The following TOPBP1 variants were observed in gnomAD, a reference collection of about 807,000 sequenced individuals.
TOPBP1 encodes DNA topoisomerase 2-binding protein 1.
TOPBP1 carries 28 observed loss-of-function variants against 167.7 expected under a neutral mutation model. That is an observed-to-expected ratio of 0.17 (90% CI 0.12 to 0.23). TOPBP1 has a LOEUF of 0.23. Among genes scored for constraint, TOPBP1 ranks in the 10% least tolerant of loss-of-function variants. The pLI, the probability that TOPBP1 is intolerant of heterozygous loss-of-function variation, is 1.00. For missense variants in TOPBP1, 1,554 were observed against 1,809.6 expected (o/e 0.86, Z 2.56); for synonymous variants, 598 against 611.4 (o/e 0.98, Z 0.32).
At chr3:133,608,437 T>C (rs1576677121) in intron 27 of TOPBP1, 98 bp downstream of exon 27, 1 of 1,340,096 alleles carries the variant, frequency 7.5e-7, no homozygotes, top group Admixed American at 2.2e-5. Flanking sequence ...ACTAATCTTC[T>C]ACTAATCATG....
In TOPBP1 at chr3:133,628,544, A is replaced by G. The variant is rs114654375; in HGVS notation, c.2694+16T>C. On this transcript the variant is annotated intron_variant, in intron 15 of 27. Coordinates refer to ENST00000260810, the MANE Select transcript of TOPBP1 (RefSeq NM_007027.4). ...TGTTATCTAAAACTTCCTTTTAATA[A>G]GAGAACTAATCCTACCTTCTCTGAC... The G allele has an allele frequency of 0.019, 30,765 of 1,608,798 alleles. 409 individuals carry two copies. Among genetic ancestry groups the G allele is most frequent in the Non-Finnish European group, 0.021 (24,367 of 1,177,406 alleles).
intron 13 of TOPBP1, among the ~76,000 whole-genome samples, chr3:133,639,709 G>A (rs575703428): frequency 1.6e-4 from 25 of 152,286 alleles, no homozygotes; most frequent in African/African-American, 5.5e-4. Flanking sequence ...CAGGAAACAT[G>A]CAGAAGCCCA....
In TOPBP1 at chr3:133,627,209, G is replaced by A. The variant is rs145721187; in HGVS notation, c.2804+1153C>T. Among the ~76,000 whole-genome samples, 1,270 of 152,198 alleles carry A rather than the reference G, an allele frequency of 8.3e-3. 11 individuals carry two copies. Among genetic ancestry groups the A allele is most frequent in the African/African-American group, 0.029 (1,219 of 41,516 alleles). On this transcript the variant is annotated intron_variant, in intron 16 of 27. Coordinates refer to ENST00000260810, the MANE Select transcript of TOPBP1 (RefSeq NM_007027.4). ...AGTAATAAATTCTATTTTTTATACT[G>A]AGAGGACTGGCATTTAAAATCATAT...
intron 14 of TOPBP1, among the ~76,000 whole-genome samples, chr3:133,635,146 G>A (rs1935622111): frequency 6.6e-6 from 1 of 152,126 alleles, no homozygotes; most frequent in Non-Finnish European, 1.5e-5. Flanking sequence ...TGTAGATGTG[G>A]GGTCTCACCA....
intron 23 of TOPBP1, among the ~76,000 whole-genome samples, chr3:133,616,108 ATTCT>A (rs1303729826): frequency 6.7e-6 from 1 of 148,208 alleles, no homozygotes; most frequent in Non-Finnish European, 1.5e-5. Flanking sequence ...TCCACACTGA[ATTCT>A]TTCTTTTCCC....
intron 25 of TOPBP1, among the ~76,000 whole-genome samples, chr3:133,609,559 A>C (rs536537857): frequency 6.6e-6 from 1 of 152,118 alleles, no homozygotes; most frequent in Non-Finnish European, 1.5e-5. Context: ...GTGTTGGGGG[A>C]GGGACCTCGT....
chr3:133,643,656 A>G (rs1935973909), intron 11 of TOPBP1, among the ~76,000 whole-genome samples: 1 of 152,064 alleles, frequency 6.6e-6, no homozygotes. Flanking sequence ...CTTCTAATGT[A>G]TTAGTTTATA....
chr3:133,631,347 C>G (rs1346386587), intron 14 of TOPBP1, among the ~76,000 whole-genome samples: 2 of 152,174 alleles, frequency 1.3e-5, no homozygotes, highest in South Asian at 4.1e-4. Flanking sequence ...ATCTTATACA[C>G]TAACTTGATT....
chr3:133,638,024 A>T lies in TOPBP1; in HGVS notation c.2372T>A (p.Phe791Tyr). The T allele has an allele frequency of 1.2e-6, 2 of 1,614,026 alleles. No individual in the cohort carries two copies. The highest frequency in any genetic ancestry group is 8.5e-7 in the Non-Finnish European group (1 of 1,179,890). Residue 791 changes from phenylalanine to tyrosine, a missense_variant, in exon 14 of 28, where the codon TTC becomes TAC. Physicochemically the swap from Phe to Tyr is conservative, Grantham distance 22 (BLOSUM62 3). Around this residue, in one of 3 missense-constraint regions of TOPBP1, gnomAD observed 1,197 missense variants for 1,351.5 expected, o/e 0.89. Transcript: ENST00000260810. ...LDMNRFQSKAFRAVVSQHARQ... is the reference protein window; with the variant it reads ...LDMNRFQSKAYRAVVSQHARQ... ...GGCATGTTGTGAGACCACAGCACGG[A>T]AAGCTTTACTCTGAAAGCGGTTCAT...
At chr3:133,648,950 A>T (rs1378897114) in intron 10 of TOPBP1, among the ~76,000 whole-genome samples, 1 of 152,128 alleles carries the variant, frequency 6.6e-6, no homozygotes, top group East Asian at 1.9e-4. Context: ...CTTTTTTTTA[A>T]TAAAAAAGAA....
At chr3:133,608,440 TA>T in intron 27 of TOPBP1, 94 bp downstream of exon 27, 1 of 1,370,602 alleles carries the variant, frequency 7.3e-7, no homozygotes, top group Non-Finnish European at 1.0e-6. Context: ...AATCTTCTAC[TA>T]ATCATGAGCT....
rs530755343 is a variant in TOPBP1 at position 133,656,382 on chromosome 3, G to A, written c.545+294C>T. 7.9e-5 allele frequency among the ~76,000 whole-genome samples: 12 copies of A among 152,194 alleles called. 1 individual carries two copies. Among genetic ancestry groups the A allele is most frequent in the Admixed American group, 3.9e-4 (6 of 15,286 alleles). On this transcript the variant is annotated intron_variant, in intron 5 of 27. Transcript: ENST00000260810. ...AGGATAATGCAACATAAAAGCTACA[G>A]AATTGCCAAACTCGTTTTCTCAATT...
chr3:133,624,928 CTAT>C (rs1460409890), intron 16 of TOPBP1, among the ~76,000 whole-genome samples: 1 of 152,174 alleles, frequency 6.6e-6, no homozygotes, highest in East Asian at 1.9e-4. Flanking sequence ...ATGCTCTTAA[CTAT>C]TATATTATGC....
chr3:133,627,284 A>C (rs939661846), intron 16 of TOPBP1, among the ~76,000 whole-genome samples: 2 of 152,196 alleles, frequency 1.3e-5, no homozygotes, highest in African/African-American at 4.8e-5. Context: ...TCATGTCTAC[A>C]TCAAAACAGA....
rs1320497491 is a variant in TOPBP1 at position 133,653,466 on chromosome 3, A to G, written c.801T>C (p.Phe267=). 3 of 1,612,692 alleles carry G rather than the reference A, an allele frequency of 1.9e-6. No homozygotes were observed. Among genetic ancestry groups the G allele is most frequent in the Non-Finnish European group, 2.5e-6 (3 of 1,179,542 alleles). ...AAAAACCTTTCTCAATACTGTCAAAAAACCACTGTGTGGTCACACAGTGTA... is the reference window on the plus strand; with the variant it reads ...AAAAACCTTTCTCAATACTGTCAAAGAACCACTGTGTGGTCACACAGTGTA... ...WNVHCVTTQW[F]FDSIEKGFCQ... The change falls in exon 7 of 28, where the codon TTT becomes TTC. Residue 267 remains phenylalanine (F), a synonymous_variant. Coordinates refer to ENST00000260810, the MANE Select transcript of TOPBP1 (RefSeq NM_007027.4).
chr3:133,643,363 T>A lies in TOPBP1; in HGVS notation c.1858A>T (p.Ile620Leu), dbSNP rs111347807. Residue 620 changes from isoleucine (I) to leucine (L), a missense_variant, in exon 12 of 28, where the codon ATA becomes TTA. By Grantham distance (5) the Ile-to-Leu change is conservative (BLOSUM62 2). Transcript: ENST00000260810. ...GGATCAAACAAAGTCTGATAGTCTA[T>A]GCAAGTAACCTTTTAAAAACAAAAG... ...VVTNTWLVTCIDYQTLFDPKS... is the reference protein window; with the variant it reads ...VVTNTWLVTCLDYQTLFDPKS... The A allele has an allele frequency of 6.3e-7, 1 of 1,583,356 alleles. No homozygotes were observed. Among genetic ancestry groups the A allele is most frequent in the Middle Eastern group, 1.7e-4 (1 of 5,842 alleles).
chr3:133,617,687 C>G (rs906377959), intron 21 of TOPBP1, among the ~76,000 whole-genome samples: 1 of 151,400 alleles, frequency 6.6e-6, no homozygotes, highest in African/African-American at 2.4e-5. Context: ...AGAGATAAAT[C>G]TATATATCTA....
chr3:133,635,720 A>C (rs1935648595), intron 14 of TOPBP1, among the ~76,000 whole-genome samples: 2 of 152,200 alleles, frequency 1.3e-5, no homozygotes, highest in South Asian at 4.1e-4. Context: ...TCACTTTGGC[A>C]AAAAATTTGT....
chr3:133,640,049 C>G lies in TOPBP1; in HGVS notation c.2143G>C (p.Ala715Pro), dbSNP rs898594154. Residue 715 changes from alanine (A) to proline (P), a missense_variant, in exon 13 of 28, where the codon GCC becomes CCC. By Grantham distance (27) the Ala-to-Pro change is conservative. Around this residue, in one of 3 missense-constraint regions of TOPBP1, gnomAD observed 1,197 missense variants for 1,351.5 expected, o/e 0.89. Transcript: ENST00000260810. ...YEAAKKWNLPAVTIAWLLETA... is the reference protein window; with the variant it reads ...YEAAKKWNLPPVTIAWLLETA... The stretch of plus-strand genomic sequence containing the variant: ...TCCAACAGCCAAGCTATAGTAACGG[C>G]AGGTAAATTCCACTTCTTTGCAGCT... 8.1e-6 allele frequency: 13 copies of G among 1,613,904 alleles called. No homozygotes were observed. The highest frequency in any genetic ancestry group is 1.1e-5 in the South Asian group (1 of 91,082).
Sources: allele counts gnomAD v4.1 joint callset (sites outside exome capture counted in the v4.1 genomes callset), GRCh38; gene constraint gnomAD v4.1.1; regional missense constraint gnomAD v4.1.1; transcripts MANE v1.5; gene names NCBI Gene and HGNC (gene_info 2026-07-23, HGNC 2026-07-21).